Variants in NAPRT observed in about 807,000 individuals in gnomAD.
NAPRT encodes the protein FHA-HIT-interacting protein.
In NAPRT, 66 loss-of-function variants were observed where a neutral mutation model predicts 60.7. The observed-to-expected ratio is 1.09, with a 90% CI of 0.89 to 1.33. NAPRT has a LOEUF of 1.33. Ranked by LOEUF, NAPRT falls within the 40% of genes most tolerant of loss-of-function variation. The pLI is 0.00. For missense variants in NAPRT, 818 were observed against 731.5 expected (o/e 1.12, Z -1.36); for synonymous variants, 405 against 335.7 (o/e 1.21, Z -2.26).
downstream of NAPRT, among the ~76,000 whole-genome samples, chr8:143,573,234 A>G (rs1470620017): frequency 6.6e-6 from 1 of 152,070 alleles, no homozygotes. Flanking sequence ...TGGCTCTGTC[A>G]GACACCTTGC....
intron 11 of NAPRT, 23 bp downstream of exon 11, chr8:143,575,168 G>A (rs993298429): frequency 6.3e-7 from 1 of 1,596,404 alleles, no homozygotes; most frequent in Non-Finnish European, 8.5e-7. Context: ...TGGGGGTCAG[G>A]ATGAGGGCGG....
Position 143,577,665 on chromosome 8 carries a change from G to GCCCAC in NAPRT, c.428_429insGTGGG (p.Ser143ArgfsTer17). On this transcript the variant is annotated frameshift_variant, in exon 3 of 13. Transcript: ENST00000449291. LOFTEE classifies it high-confidence loss of function. ...AGTGGCCCGCAGCCCACCTGGCGTA[G>GCCCAC]CTGACCAGGCAGAGCAGCGGTGTCT... The GCCCAC allele has an allele frequency of 6.5e-7, 1 of 1,538,736 alleles. No individual in the cohort carries two copies. Among genetic ancestry groups the GCCCAC allele is most frequent in the Non-Finnish European group, 8.7e-7 (1 of 1,146,774 alleles).
Position 143,577,956 on chromosome 8 carries a change from T to G in NAPRT, c.227-13A>C. 1.2e-6 allele frequency: 2 copies of G among 1,604,894 alleles called. No individual in the cohort carries two copies. Among genetic ancestry groups the G allele is most frequent in the Non-Finnish European group, 1.7e-6 (2 of 1,175,332 alleles). ...AGGAACTGCACGTCTGGAAACGAGG[T>G]AACTGCGCTGAGACCAGCGCGGGGA... On this transcript the variant is annotated splice_polypyrimidine_tract_variant and intron_variant, in intron 1 of 12. Transcript: ENST00000449291.
chr8:143,577,606 G>A (rs921740404), intron 3 of NAPRT, 51 bp downstream of exon 3: 15 of 1,527,838 alleles, frequency 9.8e-6, no homozygotes, highest in Non-Finnish European at 1.3e-5. Flanking sequence ...GAGCCCCGGC[G>A]CTGGGGGCCC....
intron 12 of NAPRT, 35 bp from the exon 13 acceptor site, chr8:143,574,935 G>A (rs756927522): frequency 2.6e-6 from 4 of 1,550,154 alleles, no homozygotes; most frequent in Admixed American, 2.0e-5. Flanking sequence ...GGTGGGCAGG[G>A]TGAGGGCGGG....
rs201891809 is a variant in NAPRT, at chr8:143,576,168, G to T, written c.1023-6C>A. 9.4e-6 allele frequency: 15 copies of T among 1,590,492 alleles called. No individual in the cohort carries two copies. The highest frequency in any genetic ancestry group is 1.3e-5 in the Non-Finnish European group (15 of 1,166,808). On this transcript the variant is annotated splice_region_variant and splice_polypyrimidine_tract_variant and intron_variant, in intron 7 of 12. Coordinates refer to ENST00000449291, the MANE Select transcript of NAPRT (RefSeq NM_145201.6). The stretch of plus-strand genomic sequence containing the variant: ...CCAGCCAGGGCACCTGGAACCTGCC[G>T]CGTGGGTGGAGAAAGGGTGGGGGCC...
intron 7 of NAPRT, 106 bp from the exon 8 acceptor site, chr8:143,576,268 C>T (rs1824448166): frequency 7.2e-7 from 1 of 1,382,356 alleles, no homozygotes; most frequent in Non-Finnish European, 9.8e-7. Flanking sequence ...CACCTGTGCT[C>T]ACCTTCTGCT....
At chr8:143,576,234 T>G in intron 7 of NAPRT, 72 bp from the exon 8 acceptor site, 1 of 1,443,916 alleles carries the variant, frequency 6.9e-7, no homozygotes, top group Non-Finnish European at 9.3e-7. Context: ...GTCCCCCTGC[T>G]CCCCGCCCCG....
Position 143,575,483 on chromosome 8 carries a change from C to T in NAPRT, c.1231G>A (p.Asp411Asn), listed in dbSNP as rs139521261. 3.3e-4 allele frequency: 535 copies of T among 1,599,716 alleles called. No homozygotes were observed. The African/African-American group carries it at 4.3e-3, about 13-fold the overall frequency. The part of the protein sequence containing the change: ...GGQPRMKLTE[D>N]PEKQTLPGSK... Reference sequence around the variant, plus strand: ...CCAGGCAACGTCTGCTTCTCGGGGTCCTCGGTCAGCTTCATTCGTGGCTGG... The same window carrying T: ...CCAGGCAACGTCTGCTTCTCGGGGTTCTCGGTCAGCTTCATTCGTGGCTGG... The change falls in exon 10 of 13, where the codon GAC becomes AAC. Residue 411 changes from aspartate to asparagine, a missense_variant. Physicochemically the swap from Asp to Asn is conservative, Grantham distance 23. Coordinates refer to ENST00000449291, the MANE Select transcript of NAPRT (RefSeq NM_145201.6).
At chr8:143,575,808 GGGTGGCAGTGCCCTGGGTGGGGAAGGA>G (rs1390403677) in intron 8 of NAPRT, 106 bp from the exon 9 acceptor site, 6 of 503,436 alleles carry the variant, frequency 1.2e-5, no homozygotes, top group African/African-American at 4.6e-5. Context: ...GTGGGGAAGG[GGGTGGCAGTGCCCTGGGTGGGGAAGGA>G]GGTGCCAGTG....
chr8:143,575,550 G>A, intron 9 of NAPRT, 25 bp from the exon 10 acceptor site: 2 of 1,595,492 alleles, frequency 1.3e-6, no homozygotes, highest in African/African-American at 1.3e-5. Flanking sequence ...CGTTGAGCTG[G>A]CTGGTCCTTA....
Position 143,575,139 on chromosome 8 carries a change from G to A in NAPRT, c.1447-46C>T, listed in dbSNP as rs374169348. The A allele has an allele frequency of 4.4e-6, 7 of 1,573,294 alleles. No homozygotes were observed. The African/African-American group carries it at 9.5e-5, about 21-fold the overall frequency. On this transcript the variant is annotated intron_variant, in intron 11 of 12. Transcript: ENST00000449291. Reference sequence around the variant, plus strand: ...AAGAGAAGCTTGGGGCTAGCTCCCAGTCAGGGCTCTACCGGGGCTGGGGGT... The same window carrying A: ...AAGAGAAGCTTGGGGCTAGCTCCCAATCAGGGCTCTACCGGGGCTGGGGGT...
Position 143,578,229 on chromosome 8 carries a change from C to T in NAPRT, c.90G>A (p.Trp30Ter). 2.7e-6 allele frequency: 4 copies of T among 1,502,460 alleles called. No individual in the cohort carries two copies. The highest frequency in any genetic ancestry group is 3.5e-6 in the Non-Finnish European group (4 of 1,130,748). The allele number at this position is 1,502,460 out of a possible 1,614,324, so 93.1% of individuals were successfully genotyped here. A position where few individuals can be genotyped will look rare whatever the true frequency, so the allele number is the denominator to read the frequency against. The change falls in exon 1 of 13, where the codon TGG becomes TGA. Residue 30 changes from tryptophan to a stop codon, truncating the protein, a stop_gained. Coordinates refer to ENST00000449291, the MANE Select transcript of NAPRT (RefSeq NM_145201.6). LOFTEE classifies it high-confidence loss of function. ...CGGCGTCCCGCGCCCGGCCCGCGCG[C>T]CAATAGCCCAACGCCATGGTGGCCT... Reference protein sequence around the residue: ...LYQATMALGYWRAGRARDAAE... With the variant: ...LYQATMALGY
At chr8:143,576,934 A>G (rs926256319) in intron 5 of NAPRT, 92 bp from the exon 6 acceptor site, 2 of 1,499,128 alleles carry the variant, frequency 1.3e-6, no homozygotes, top group African/African-American at 2.8e-5. Flanking sequence ...AGCAAAGGTA[A>G]TGCAGCCCGT....
In NAPRT at chr8:143,578,209, TC is replaced by T; in HGVS notation, c.109del (p.Asp37ThrfsTer68). ...GAAGAAGAGCTCGAACTCGGCGGCG[TC>T]CCGCGCCCGGCCCGCGCGCCAATAG... ...LGYWRAGRAR[D>X]AAEFELFFRR... On this transcript the variant is annotated frameshift_variant, in exon 1 of 13. Transcript: ENST00000449291. LOFTEE classifies it high-confidence loss of function. 1 of 1,503,596 alleles carries T rather than the reference TC, an allele frequency of 6.7e-7. No homozygotes were observed. 93.1% of individuals were successfully genotyped at this position (1,503,596 alleles called of 1,614,324 possible). A position where few individuals can be genotyped will look rare whatever the true frequency, so the allele number is the denominator to read the frequency against.
At chr8:143,577,206 ACCTCGGGCCAAGATGGGGCT>A in intron 4 of NAPRT, 29 bp from the exon 5 acceptor site, 1 of 1,605,468 alleles carries the variant, frequency 6.2e-7, no homozygotes, top group Non-Finnish European at 8.5e-7. Flanking sequence ...GGATTGGGGG[ACCTCGGGCCAAGATGGGGCT>A]CCTCCTTCCC....
intron 1 of NAPRT, 73 bp from the exon 2 acceptor site, chr8:143,578,016 G>A: frequency 3.2e-6 from 5 of 1,542,752 alleles, no homozygotes; most frequent in South Asian, 2.4e-5. Flanking sequence ...GTTCCACGGG[G>A]GGACAAGGAC....
chr8:143,575,032 C>T lies in NAPRT; in HGVS notation c.1508G>A (p.Arg503Gln), dbSNP rs889077701. The change falls in exon 12 of 13, where the codon CGA becomes CAA. Residue 503 changes from arginine to glutamine, a missense_variant. Physicochemically the swap from Arg to Gln is conservative, Grantham distance 43 (BLOSUM62 1). Transcript: ENST00000449291. ...SRALAQLSLS[R>Q]LSPEHRRLRS... ...CAGCCGCCTGTGCTCAGGGCTGAGT[C>T]GGCTCAGGGACAGCTGGGCCAAGGC... 2.3e-5 allele frequency: 35 copies of T among 1,510,258 alleles called. 1 individual carries two copies. Among genetic ancestry groups the T allele is most frequent in the Admixed American group, 6.3e-5 (3 of 47,656 alleles). The allele number at this position is 1,510,258 out of a possible 1,614,324, so 93.6% of individuals were successfully genotyped here. A position where few individuals can be genotyped will look rare whatever the true frequency, so the allele number is the denominator to read the frequency against.
downstream of NAPRT, chr8:143,574,578 A>G: frequency 1.7e-6 from 1 of 599,280 alleles, no homozygotes; most frequent in East Asian, 2.8e-5. Flanking sequence ...CTGACTCCCC[A>G]CAGCCTACCC....
Sources: allele counts gnomAD v4.1 joint callset (sites outside exome capture counted in the v4.1 genomes callset), GRCh38; gene constraint gnomAD v4.1.1; transcripts MANE v1.5; gene names NCBI Gene and HGNC (gene_info 2026-07-23, HGNC 2026-07-21).